KAT6B: variants seen among roughly 807,000 people sequenced by gnomAD.
KAT6B encodes the protein histone acetyltransferase KAT6B.
In KAT6B, 10 loss-of-function variants were observed where a neutral mutation model predicts 187.5. The observed-to-expected ratio is 0.05, with a 90% CI of 0.03 to 0.09. KAT6B has a LOEUF of 0.09. KAT6B is among the 10% of genes least tolerant of loss of function. KAT6B has a pLI of 1.00. For synonymous variants in KAT6B, 861 were observed against 926.8 expected (o/e 0.93, Z 1.29); for missense variants, 1,952 against 2,558.9 (o/e 0.76, Z 5.12).
intron 13 of KAT6B, among the ~76,000 whole-genome samples, chr10:75,000,164 T>C (rs775863356): frequency 4.0e-5 from 6 of 151,180 alleles, no homozygotes; most frequent in Non-Finnish European, 5.9e-5. Flanking sequence ...AGAGCAAGAC[T>C]CTGTCTTTTT....
intron 13 of KAT6B, among the ~76,000 whole-genome samples, chr10:75,012,313 G>A (rs1589806415): frequency 6.6e-6 from 1 of 152,108 alleles, no homozygotes; most frequent in South Asian, 2.1e-4. Context: ...CAAGCATGGT[G>A]GTATGCACTT....
At chr10:75,024,408 C>G (rs1422685256) in intron 16 of KAT6B, among the ~76,000 whole-genome samples, 1 of 152,180 alleles carries the variant, frequency 6.6e-6, no homozygotes, top group Admixed American at 6.5e-5. Context: ...AAACAGTAAT[C>G]CTTTCTTCAG....
intron 1 of KAT6B, among the ~76,000 whole-genome samples, chr10:74,833,617 A>T (rs1184389920): frequency 1.3e-5 from 2 of 152,238 alleles, no homozygotes; most frequent in African/African-American, 4.8e-5. Context: ...ATAATAGTTT[A>T]TTGATGGTTC....
At chr10:75,012,062 T>A (rs1844645305) in intron 13 of KAT6B, among the ~76,000 whole-genome samples, 1 of 152,148 alleles carries the variant, frequency 6.6e-6, no homozygotes, top group Non-Finnish European at 1.5e-5. Flanking sequence ...TGAGGTTGGG[T>A]GGAACACAGA....
chr10:74,874,830 GTA>G (rs1222268424), intron 3 of KAT6B, among the ~76,000 whole-genome samples: 6 of 151,796 alleles, frequency 4.0e-5, no homozygotes, highest in Admixed American at 2.6e-4. Context: ...GTGTGTGTGT[GTA>G]TGTGTGTGTG....
intron 3 of KAT6B, among the ~76,000 whole-genome samples, chr10:74,956,072 C>A (rs141999843): frequency 6.6e-6 from 1 of 152,150 alleles, no homozygotes; most frequent in South Asian, 2.1e-4. Flanking sequence ...CACAGGCATG[C>A]GCCACCATGC....
At chr10:74,944,047 G>T (rs11001214) in intron 3 of KAT6B, among the ~76,000 whole-genome samples, 1,655 of 152,318 alleles carry the variant, frequency 0.011, 13 homozygotes, top group Non-Finnish European at 0.018. Context: ...TTTAGTAAGG[G>T]ATGCCCTTGG....
At chr10:74,852,908 A>G (rs1358782016) in intron 3 of KAT6B, among the ~76,000 whole-genome samples, 2 of 152,162 alleles carry the variant, frequency 1.3e-5, no homozygotes, top group Non-Finnish European at 2.9e-5. Context: ...AGTGCTAAGA[A>G]AATCTATATT....
chr10:74,936,734 A>G (rs1368048616), intron 3 of KAT6B, among the ~76,000 whole-genome samples: 1 of 152,110 alleles, frequency 6.6e-6, no homozygotes, highest in Non-Finnish European at 1.5e-5. Flanking sequence ...ATATGACCTT[A>G]TTTTTCTACT....
chr10:74,967,984 A>AG (rs1253270333), intron 4 of KAT6B, among the ~76,000 whole-genome samples: 2 of 152,160 alleles, frequency 1.3e-5, no homozygotes, highest in Non-Finnish European at 2.9e-5. Context: ...AATAAAAAAG[A>AG]GGGGGGAAGT....
chr10:74,887,608 A>G (rs1845373662), intron 3 of KAT6B, among the ~76,000 whole-genome samples: 1 of 151,924 alleles, frequency 6.6e-6, no homozygotes, highest in South Asian at 2.1e-4. Flanking sequence ...TACAAGTGTG[A>G]GCCACCATGC....
rs559294300 is a variant in KAT6B at position 74,965,901 on chromosome 10, ATT to A, written c.731-3745_731-3744del. ...CCACCACGCCCGGCCAATTTTCTGTATTTTTTTTTTTTTTTAGTAGAGACGGG... is the reference window on the plus strand; with the variant it reads ...CCACCACGCCCGGCCAATTTTCTGTATTTTTTTTTTTTTAGTAGAGACGGG... On this transcript the variant is annotated intron_variant, in intron 4 of 17. Transcript: ENST00000287239. Among the ~76,000 whole-genome samples the A allele has an allele frequency of 4.0e-3, 553 of 137,176 alleles. 3 individuals carry two copies. Among genetic ancestry groups the A allele is most frequent in the African/African-American group, 0.013 (510 of 37,808 alleles). 90.0% of individuals were successfully genotyped at this position (137,176 alleles called of 152,430 possible).
upstream of KAT6B, among the ~76,000 whole-genome samples, chr10:74,825,031 C>T (rs1325156720): frequency 1.3e-5 from 2 of 152,228 alleles, no homozygotes; most frequent in Non-Finnish European, 2.9e-5. The surrounding 1 kb of genome is among the most constrained non-coding windows in gnomAD (Gnocchi z 5.0). Context: ...TCCCCACTCC[C>T]ACACAAGGAT....
At chr10:74,891,815 C>T (rs1347987555) in intron 3 of KAT6B, among the ~76,000 whole-genome samples, 1 of 152,194 alleles carries the variant, frequency 6.6e-6, no homozygotes, top group South Asian at 2.1e-4. Flanking sequence ...CATTGTTTAT[C>T]ATTACCAGTG....
intron 10 of KAT6B, among the ~76,000 whole-genome samples, chr10:74,980,371 A>G (rs1842431501): frequency 6.6e-6 from 1 of 152,216 alleles, no homozygotes; most frequent in Admixed American, 6.5e-5. Context: ...TTCTTATAGA[A>G]TAGATCTTAT....
intron 13 of KAT6B, among the ~76,000 whole-genome samples, chr10:75,010,211 G>A (rs569515858): frequency 6.6e-6 from 1 of 152,316 alleles, no homozygotes; most frequent in Non-Finnish European, 1.5e-5. Context: ...GCATTTGGGA[G>A]ATAAATAAAA....
chr10:74,993,175 A>G (rs558109697), intron 13 of KAT6B, among the ~76,000 whole-genome samples: 29 of 152,306 alleles, frequency 1.9e-4, no homozygotes, highest in Admixed American at 7.8e-4. Flanking sequence ...GCCACTGCTG[A>G]GCACTGGGGG....
At chr10:74,927,359 G>A (rs1240830128) in intron 3 of KAT6B, among the ~76,000 whole-genome samples, 2 of 152,074 alleles carry the variant, frequency 1.3e-5, no homozygotes, top group Admixed American at 1.3e-4. Flanking sequence ...AACCTCTCGG[G>A]AGAGCCTGAA....
chr10:75,014,918 C>T (rs909407755), intron 13 of KAT6B, among the ~76,000 whole-genome samples: 1 of 152,124 alleles, frequency 6.6e-6, no homozygotes, highest in African/African-American at 2.4e-5. Flanking sequence ...ATTCTTCAGT[C>T]CTACTGTCTC....
Sources: allele counts gnomAD v4.1 joint callset (sites outside exome capture counted in the v4.1 genomes callset), GRCh38; gene constraint gnomAD v4.1.1; non-coding constraint Gnocchi (gnomAD v3.1); transcripts MANE v1.5; gene names NCBI Gene and HGNC (gene_info 2026-07-23, HGNC 2026-07-21).